The following DNAH3 variants were observed in gnomAD, a reference collection of about 807,000 sequenced individuals.
DNAH3 encodes the protein axonemal beta dynein heavy chain 3.
Under a neutral mutation model 432.5 loss-of-function variants are expected in DNAH3, and 332 were observed. That is an observed-to-expected ratio of 0.77 (90% CI 0.70 to 0.84). The LOEUF (loss-of-function observed/expected upper bound fraction) is 0.84, where lower values mean the gene tolerates loss of function less well. DNAH3 is among the 40% of genes least tolerant of loss of function. DNAH3 has a pLI of 0.00. For synonymous variants in DNAH3, 1,956 were observed against 1,900.2 expected (o/e 1.03, Z -0.76); for missense variants, 4,861 against 5,114.0 (o/e 0.95, Z 1.51).
intron 35 of DNAH3, among the ~76,000 whole-genome samples, chr16:21,035,534 A>C (rs530093973): frequency 1.1e-3 from 166 of 151,216 alleles, no homozygotes; most frequent in Non-Finnish European, 1.9e-3. Flanking sequence ...AAAAAGTAAG[A>C]TGGATGGATG....
Position 20,965,045 on chromosome 16 carries a change from T to TC in DNAH3, c.8838dup (p.Asn2947GlufsTer12), listed in dbSNP as rs762475537. On this transcript the variant is annotated frameshift_variant, in exon 53 of 62. Coordinates refer to ENST00000261383, the Ensembl canonical transcript of DNAH3. LOFTEE classifies it high-confidence loss of function. ...TCCTCCAAGTCCTTTTTCTTGGTGT[T>TC]CATCTCTTCAAAGTCGTCATTCAGG... 6.2e-6 allele frequency: 10 copies of TC among 1,614,134 alleles called. No individual in the cohort carries two copies. The highest frequency in any genetic ancestry group is 1.6e-4 in the Middle Eastern group (1 of 6,062).
intron 12 of DNAH3, among the ~76,000 whole-genome samples, chr16:21,115,428 C>T (rs999871553): frequency 2.0e-5 from 3 of 150,878 alleles, no homozygotes; most frequent in African/African-American, 7.3e-5. Context: ...CAAAACGTGC[C>T]AGGCAAGGTG....
At chr16:21,023,053 G>T (rs1411715707) in intron 39 of DNAH3, among the ~76,000 whole-genome samples, 1 of 152,030 alleles carries the variant, frequency 6.6e-6, no homozygotes, top group Non-Finnish European at 1.5e-5. Context: ...CAGCCTCTTT[G>T]TTATACTTTA....
intron 12 of DNAH3, among the ~76,000 whole-genome samples, chr16:21,112,905 C>A (rs575788526): frequency 6.6e-6 from 1 of 152,142 alleles, no homozygotes; most frequent in Non-Finnish European, 1.5e-5. Context: ...TTGTTTTAGC[C>A]AATTTCTCCC....
intron 43 of DNAH3, among the ~76,000 whole-genome samples, chr16:20,998,866 C>T (rs554355985): frequency 2.3e-4 from 35 of 151,798 alleles, no homozygotes; most frequent in African/African-American, 5.8e-4. Flanking sequence ...TCATATAATC[C>T]GATAATAACT....
intron 58 of DNAH3, among the ~76,000 whole-genome samples, chr16:20,942,931 T>C (rs2083880772): frequency 6.6e-6 from 1 of 152,116 alleles, no homozygotes; most frequent in Admixed American, 6.6e-5. Context: ...TGTTTTGAGA[T>C]AGTGTCTCAC....
chr16:21,121,836 G>C lies in DNAH3; in HGVS notation c.1584+109C>G, dbSNP rs1021517086. The C allele has an allele frequency of 4.2e-5, 35 of 835,336 alleles. No homozygotes were observed. The African/African-American group carries it at 5.5e-4, about 13-fold the overall frequency. 51.7% of individuals were successfully genotyped at this position (835,336 alleles called of 1,614,324 possible). A position where few individuals can be genotyped will look rare whatever the true frequency, so the allele number is the denominator to read the frequency against. ...ATTCAGGATATATCTCCAAAGTGAA[G>C]CTCCCTTAACTGAATATCCCAGCGA... On this transcript the variant is annotated intron_variant, in intron 10 of 61. Transcript: ENST00000261383.
exon 5 of DNAH3, chr16:21,140,581 C>T (rs1444923846): frequency 2.5e-6 from 4 of 1,614,034 alleles, no homozygotes; most frequent in Non-Finnish European, 3.4e-6. Flanking sequence ...TTTCCATTTC[C>T]ATCTCCTGCT....
At chr16:20,972,756 TTTTTTTTG>T (rs1193223940) in intron 51 of DNAH3, among the ~76,000 whole-genome samples, 1 of 147,362 alleles carries the variant, frequency 6.8e-6, no homozygotes, top group Non-Finnish European at 1.5e-5. Flanking sequence ...TTTTTTTTTT[TTTTTTTTG>T]GTCACTCAGG....
chr16:21,042,430 T>C (rs965474641), intron 31 of DNAH3, among the ~76,000 whole-genome samples: 6 of 152,096 alleles, frequency 3.9e-5, no homozygotes, highest in Admixed American at 2.0e-4. Flanking sequence ...CCATAGTACT[T>C]TATCTTTGTT....
At chr16:21,017,415 A>C (rs1279156641) in intron 41 of DNAH3, among the ~76,000 whole-genome samples, 1 of 152,180 alleles carries the variant, frequency 6.6e-6, no homozygotes, top group African/African-American at 2.4e-5. Context: ...ATGAATTCAT[A>C]TCTGATTGCC....
intron 53 of DNAH3, among the ~76,000 whole-genome samples, chr16:20,961,010 C>T: frequency 6.6e-6 from 1 of 152,046 alleles, no homozygotes. Context: ...ACTCCTTAAA[C>T]CCAAAGTATA....
At chr16:20,979,665 A>G in intron 49 of DNAH3, 119 bp from the exon 50 acceptor site, 1 of 866,392 alleles carries the variant, frequency 1.2e-6, no homozygotes, top group East Asian at 2.5e-5. Flanking sequence ...GACACGTTAG[A>G]ATCCAAACTC....
rs1011973768 is a variant in DNAH3 at position 20,990,163 on chromosome 16, C to A, written c.6602-2098G>T. On this transcript the variant is annotated intron_variant, in intron 44 of 61. Coordinates refer to ENST00000261383, the Ensembl canonical transcript of DNAH3. ...GCCCAGGCAGAGGAGGCGCCCAGAG[C>A]GAGCCAGGGCTGTGAGGACTTGCCA... Among the ~76,000 whole-genome samples the A allele has an allele frequency of 5.9e-5, 9 of 152,358 alleles. No homozygotes were observed. In the East Asian group the frequency reaches 1.7e-3, roughly 29 times the overall value.
chr16:20,988,132 A>G, intron 44 of DNAH3, 67 bp from the exon 45 acceptor site: 2 of 1,592,726 alleles, frequency 1.3e-6, no homozygotes, highest in Admixed American at 3.4e-5. Flanking sequence ...CTGTGACCCT[A>G]GGATGCACAC....
At chr16:20,959,194 G>A (rs2084701423) in exon 54 of DNAH3, 2 of 1,614,142 alleles carry the variant, frequency 1.2e-6, no homozygotes, top group Middle Eastern at 1.6e-4. Flanking sequence ...TCTGGCATTG[G>A]TGCTCTCAGG....
chr16:20,963,630 C>T (rs781669763), exon 53 of DNAH3: 4 of 1,614,026 alleles, frequency 2.5e-6, no homozygotes, highest in Non-Finnish European at 3.4e-6. Context: ...CTGCCCATGC[C>T]TTCTCAGACA....
At chr16:21,052,470 C>T (rs548837326) in intron 28 of DNAH3, among the ~76,000 whole-genome samples, 6 of 152,338 alleles carry the variant, frequency 3.9e-5, no homozygotes, top group African/African-American at 7.2e-5. Context: ...AGACTGGCTG[C>T]GTTCAAATTC....
chr16:20,963,373 G>C (rs145397950), exon 53 of DNAH3: 18 of 1,614,072 alleles, frequency 1.1e-5, no homozygotes, highest in Non-Finnish European at 1.5e-5. Flanking sequence ...ATCGAACGTA[G>C]GGGCTTCGAT....
Sources: gnomAD v4.1 joint callset for allele counts (sites outside exome capture counted in the v4.1 genomes callset) on GRCh38, gnomAD v4.1.1 for gene constraint, MANE v1.5 for transcripts, NCBI Gene and HGNC (gene_info 2026-07-23, HGNC 2026-07-21) for gene names.